ZNF735: variants seen among roughly 807,000 people sequenced by gnomAD.
The protein encoded by ZNF735 is putative zinc finger protein 735.
Under a neutral mutation model 13.4 loss-of-function variants are expected in ZNF735, and 11 were observed. The observed-to-expected ratio is 0.82, with a 90% CI of 0.52 to 1.36. The LOEUF is 1.36. Ranked by LOEUF, ZNF735 falls within the 40% of genes most tolerant of loss-of-function variation. The pLI, the probability that ZNF735 is intolerant of heterozygous loss-of-function variation, is 0.00. For missense variants in ZNF735, 500 were observed against 484.6 expected, an observed-to-expected ratio of 1.03 and a Z score of -0.30; for synonymous variants, 171 against 162.6, an observed-to-expected ratio of 1.05 and a Z score of -0.39.
At chr7:64,219,206 A>G (rs1199070421) in intron 3 of ZNF735, 108 bp from the exon 4 acceptor site, 4 of 1,366,296 alleles carry the variant, frequency 2.9e-6, no homozygotes, top group Middle Eastern at 2.2e-4. Context: ...TGGTATTTTG[A>G]TATGCCATTT....
intron 1 of ZNF735, among the ~76,000 whole-genome samples, chr7:64,209,484 G>A (rs1176518639): frequency 2.0e-5 from 3 of 151,734 alleles, no homozygotes; most frequent in African/African-American, 4.8e-5. Flanking sequence ...GTACCACCAT[G>A]CCTAGCTAAT....
At chr7:64,212,808 A>G (rs932865286) in intron 1 of ZNF735, among the ~76,000 whole-genome samples, 116 of 151,986 alleles carry the variant, frequency 7.6e-4, no homozygotes, top group African/African-American at 2.6e-3. Context: ...AAAAAAAGAA[A>G]AGAAAAAAGA....
exon 4 of ZNF735, chr7:64,220,043 G>A: frequency 1.2e-6 from 2 of 1,612,480 alleles, no homozygotes; most frequent in Non-Finnish European, 1.7e-6. Flanking sequence ...GAAGAATGTG[G>A]CAAAGCCTTT....
chr7:64,215,640 T>C (rs1787410461), intron 3 of ZNF735, among the ~76,000 whole-genome samples: 1 of 147,120 alleles, frequency 6.8e-6, no homozygotes, highest in Non-Finnish European at 1.5e-5. Flanking sequence ...TATATTTTTT[T>C]CTAAGAGTTT....
At chr7:64,215,512 G>A (rs2116485456) in intron 3 of ZNF735, among the ~76,000 whole-genome samples, 1 of 150,600 alleles carries the variant, frequency 6.6e-6, no homozygotes, top group South Asian at 2.2e-4. Context: ...TGTTTTATTT[G>A]ATTGCAGAAA....
At position 64,219,934 on chromosome 7, in the gene ZNF735, AG is replaced by A; in HGVS notation, c.884del (p.Arg295AsnfsTer51). The A allele has an allele frequency of 6.2e-7, 1 of 1,614,038 alleles. No individual in the cohort carries two copies. Among genetic ancestry groups the A allele is most frequent in the Non-Finnish European group, 8.5e-7 (1 of 1,179,972 alleles). The stretch of plus-strand genomic sequence containing the variant: ...CCACAAGAGAATTCATACTGGAGAG[AG>A]ACCCTACAAATGTGAAGAATGTGGC... On this transcript the variant is annotated frameshift_variant, in exon 4 of 4. Transcript: ENST00000429565. LOFTEE classifies it low-confidence loss of function (END_TRUNC).
intron 3 of ZNF735, among the ~76,000 whole-genome samples, chr7:64,215,743 T>A (rs1296158885): frequency 1.3e-5 from 2 of 152,140 alleles, no homozygotes; most frequent in Non-Finnish European, 2.9e-5. Context: ...AATGTAGATA[T>A]CCAGTTTTCA....
In ZNF735 at chr7:64,214,011, A is replaced by C. The variant is rs1787390702; in HGVS notation, c.167-2A>C. 1 of 1,589,426 alleles carries C rather than the reference A, an allele frequency of 6.3e-7. No homozygotes were observed. The highest frequency in any genetic ancestry group is 1.7e-5 in the Admixed American group (1 of 57,856). On this transcript the variant is annotated splice_acceptor_variant, in intron 2 of 3. Coordinates refer to ENST00000429565, the Ensembl canonical transcript of ZNF735. LOFTEE classifies it high-confidence loss of function. ...AGTTACTTTTTTTTCTTAATAAAAC[A>C]GGTATGACTGTCTCTAAGCCAGACT... is the stretch of plus-strand genomic sequence containing the variant.
At chr7:64,213,454 T>C (rs1029830652) in intron 2 of ZNF735, among the ~76,000 whole-genome samples, 2 of 152,192 alleles carry the variant, frequency 1.3e-5, no homozygotes, top group African/African-American at 4.8e-5. Flanking sequence ...AAAAATGTCA[T>C]GGCATAAAAT....
chr7:64,210,375 A>G (rs1167102569), intron 1 of ZNF735, among the ~76,000 whole-genome samples: 1 of 151,958 alleles, frequency 6.6e-6, no homozygotes, highest in Non-Finnish European at 1.5e-5. Flanking sequence ...GGTGTAAGGG[A>G]CTCTTTGCTG....
chr7:64,212,969 G>A (rs1787377480), intron 1 of ZNF735, 123 bp from the exon 2 acceptor site: 2 of 1,014,336 alleles, frequency 2.0e-6, no homozygotes, highest in Non-Finnish European at 1.4e-6. Context: ...AGTAATTTCA[G>A]TCACTCTTGT....
At chr7:64,211,890 A>AAAT (rs1054406625) in intron 1 of ZNF735, among the ~76,000 whole-genome samples, 2 of 96,514 alleles carry the variant, frequency 2.1e-5, no homozygotes, top group East Asian at 2.9e-4. Flanking sequence ...AAAGAAAAAA[A>AAAT]ATATATATAT....
rs942384016 is a variant in ZNF735 at position 64,214,185 on chromosome 7, G to A, written c.262+77G>A. On this transcript the variant is annotated intron_variant, in intron 3 of 3. Transcript: ENST00000429565. The stretch of plus-strand genomic sequence containing the variant: ...AGGAGGTAGCCAGTCTTTAAAATGT[G>A]GTCTGCAGAGCTGTGCTTTTATGGA... 11 of 1,444,742 alleles carry A rather than the reference G, an allele frequency of 7.6e-6. No homozygotes were observed. In the African/African-American group the frequency reaches 9.9e-5, roughly 13 times the overall value. 89.5% of individuals were successfully genotyped at this position (1,444,742 alleles called of 1,614,324 possible).
At chr7:64,216,281 G>T (rs1787419875) in intron 3 of ZNF735, among the ~76,000 whole-genome samples, 1 of 149,046 alleles carries the variant, frequency 6.7e-6, no homozygotes, top group Non-Finnish European at 1.5e-5. Context: ...GAGCAACAGA[G>T]TGAGACTCCA....
At chr7:64,208,135 C>T (rs111721373) in intron 1 of ZNF735, among the ~76,000 whole-genome samples, 5,916 of 150,652 alleles carry the variant, frequency 0.039, 181 homozygotes, top group East Asian at 0.16. Flanking sequence ...AGTGTTTTTA[C>T]TTGGAAGATC....
chr7:64,208,416 C>T (rs1057147912), intron 1 of ZNF735, among the ~76,000 whole-genome samples: 2 of 151,568 alleles, frequency 1.3e-5, no homozygotes, highest in Non-Finnish European at 2.9e-5. Context: ...GCCACCACGC[C>T]CAACTAATTT....
chr7:64,216,650 G>A (rs1365033599), intron 3 of ZNF735, among the ~76,000 whole-genome samples: 1 of 150,972 alleles, frequency 6.6e-6, no homozygotes, highest in Non-Finnish European at 1.5e-5. Context: ...CTGTTGCCCA[G>A]ACTGTAGTGC....
chr7:64,214,636 A>C (rs1787398832), intron 3 of ZNF735, among the ~76,000 whole-genome samples: 1 of 151,796 alleles, frequency 6.6e-6, no homozygotes, highest in Non-Finnish European at 1.5e-5. Context: ...TTATATACGT[A>C]TTTATTTATT....
intron 3 of ZNF735, among the ~76,000 whole-genome samples, chr7:64,215,516 G>A (rs1208256972): frequency 6.6e-6 from 1 of 150,580 alleles, no homozygotes; most frequent in Non-Finnish European, 1.5e-5. Flanking sequence ...TTATTTGATT[G>A]CAGAAATTTT....
Sources: gnomAD v4.1 joint callset for allele counts (sites outside exome capture counted in the v4.1 genomes callset) on GRCh38, gnomAD v4.1.1 for gene constraint, MANE v1.5 for transcripts, NCBI Gene and HGNC (gene_info 2026-07-23, HGNC 2026-07-21) for gene names.